Variants in RABGAP1L observed in about 807,000 individuals in gnomAD.
RABGAP1L encodes rab GTPase-activating protein 1-like.
In RABGAP1L, 63 loss-of-function variants were observed where a neutral mutation model predicts 137.7. That is an observed-to-expected ratio of 0.46 (90% confidence interval 0.37 to 0.56). The LOEUF is 0.56. Among genes scored for constraint, RABGAP1L ranks in the 20% least tolerant of loss-of-function variants. RABGAP1L has a pLI of 0.00. For synonymous variants in RABGAP1L, 431 were observed against 433.7 expected, an observed-to-expected ratio of 0.99 and a Z score of 0.08; for missense variants, 1,095 against 1,244.0, an observed-to-expected ratio of 0.88 and a Z score of 1.80.
intron 16 of RABGAP1L, chr1:174,700,912 A>C (rs1349554505): frequency 2.8e-6 from 1 of 363,270 alleles, no homozygotes; most frequent in Non-Finnish European, 4.8e-6. Flanking sequence ...ATACCTAATA[A>C]ATAACAGATG....
At chr1:174,783,827 G>T (rs1687229832) in intron 18 of RABGAP1L, among the ~76,000 whole-genome samples, 2 of 148,952 alleles carry the variant, frequency 1.3e-5, no homozygotes. Context: ...TCCTGCCTCA[G>T]TCTCCCTAGT....
chr1:174,615,334 T>A (rs1163789979), intron 13 of RABGAP1L, among the ~76,000 whole-genome samples: 1 of 152,200 alleles, frequency 6.6e-6, no homozygotes, highest in Non-Finnish European at 1.5e-5. Context: ...GTTTGCTGGA[T>A]GTCCACTCCA....
At chr1:174,489,864 G>A (rs1452911633) in intron 13 of RABGAP1L, among the ~76,000 whole-genome samples, 1 of 151,836 alleles carries the variant, frequency 6.6e-6, no homozygotes, top group Non-Finnish European at 1.5e-5. Context: ...TATCTTAAAG[G>A]TCACTAATTC....
rs571340544 is a variant in RABGAP1L, at chr1:174,408,680, G to A, written c.1710+14535G>A. 3.3e-5 allele frequency among the ~76,000 whole-genome samples: 5 copies of A among 152,252 alleles called. No individual in the cohort carries two copies. The South Asian group carries it at 1.0e-3, about 32-fold the overall frequency. On this transcript the variant is annotated intron_variant, in intron 13 of 25. Coordinates refer to ENST00000681986, the MANE Select transcript of RABGAP1L (RefSeq NM_001366446.1). The stretch of plus-strand genomic sequence containing the variant: ...GTAATAATTTACATTCCCACCAACA[G>A]TGTCTACGTGTTAATTCCCCTTTCT...
intron 19 of RABGAP1L, among the ~76,000 whole-genome samples, chr1:174,852,896 A>T (rs1648618216): frequency 6.6e-6 from 1 of 152,122 alleles, no homozygotes; most frequent in Non-Finnish European, 1.5e-5. Context: ...GTAAAGGAGT[A>T]TCACTAGTAG....
chr1:174,854,714 G>GCTTTTT (rs1648964052), intron 19 of RABGAP1L, among the ~76,000 whole-genome samples: 1 of 58,572 alleles, frequency 1.7e-5, no homozygotes, highest in Admixed American at 2.5e-4. Flanking sequence ...CAATATAAAT[G>GCTTTTT]CTTTTTTTTT....
intron 19 of RABGAP1L, among the ~76,000 whole-genome samples, chr1:174,837,407 G>A (rs78849928): frequency 0.022 from 3,301 of 152,226 alleles, 53 homozygotes; most frequent in Middle Eastern, 0.082. Flanking sequence ...TTTGATGAAT[G>A]TATCTTCTAC....
At chr1:174,420,637 T>C (rs534614087) in intron 13 of RABGAP1L, among the ~76,000 whole-genome samples, 33 of 151,944 alleles carry the variant, frequency 2.2e-4, no homozygotes, top group African/African-American at 7.5e-4. Flanking sequence ...TTATGCTGCT[T>C]AGTTTTGTTT....
intron 18 of RABGAP1L, among the ~76,000 whole-genome samples, chr1:174,775,464 C>T (rs972274433): frequency 6.6e-6 from 1 of 152,038 alleles, no homozygotes; most frequent in African/African-American, 2.4e-5. Flanking sequence ...CAGGCAGACT[C>T]CACCACGCCT....
At chr1:174,187,964 T>C (rs928443371) in intron 1 of RABGAP1L, among the ~76,000 whole-genome samples, 2 of 152,138 alleles carry the variant, frequency 1.3e-5, no homozygotes, top group Non-Finnish European at 2.9e-5. Context: ...GTCTTAAGAT[T>C]TGTTGGCCTT....
intron 13 of RABGAP1L, among the ~76,000 whole-genome samples, chr1:174,408,744 T>C (rs913935380): frequency 3.9e-5 from 6 of 152,166 alleles, no homozygotes; most frequent in Admixed American, 3.9e-4. Flanking sequence ...TTTTTGACTT[T>C]TTAGTAATAG....
chr1:174,765,584 CA>C (rs1475228778), intron 18 of RABGAP1L, among the ~76,000 whole-genome samples: 1 of 151,886 alleles, frequency 6.6e-6, no homozygotes, highest in Non-Finnish European at 1.5e-5. Flanking sequence ...ACGTGTGTGC[CA>C]CCATGTCCAG....
intron 11 of RABGAP1L, among the ~76,000 whole-genome samples, chr1:174,355,137 CA>C (rs1285042229): frequency 6.6e-6 from 1 of 152,110 alleles, no homozygotes; most frequent in Non-Finnish European, 1.5e-5. Flanking sequence ...GATTATAAAT[CA>C]TACTGCTATA....
intron 11 of RABGAP1L, among the ~76,000 whole-genome samples, chr1:174,350,081 CG>C (rs1682971329): frequency 7.7e-6 from 1 of 129,704 alleles, no homozygotes; most frequent in Admixed American, 7.3e-5. Flanking sequence ...GCTGGCTGGG[CG>C]GGGGGCTGAC....
At chr1:174,808,874 C>A (rs886495449) in intron 18 of RABGAP1L, among the ~76,000 whole-genome samples, 6 of 152,016 alleles carry the variant, frequency 3.9e-5, no homozygotes, top group African/African-American at 1.4e-4. Flanking sequence ...TCAGGCTGAT[C>A]TGGAACCCCT....
intron 17 of RABGAP1L, among the ~76,000 whole-genome samples, chr1:174,740,839 A>T (rs891175929): frequency 6.6e-6 from 1 of 151,998 alleles, no homozygotes; most frequent in African/African-American, 2.4e-5. Flanking sequence ...ACATTTTTTC[A>T]TATACCTGTT....
chr1:174,601,736 C>G (rs928857545), intron 13 of RABGAP1L, among the ~76,000 whole-genome samples: 2 of 152,098 alleles, frequency 1.3e-5, no homozygotes, highest in African/African-American at 4.8e-5. Context: ...CTCTGTTTCC[C>G]TTTTAAAACA....
rs1685263647 is a variant in RABGAP1L at position 174,761,960 on chromosome 1, A to T, written c.2211+9606A>T. ...AAAGTACCGCAGGGTGATGGGAGTT[A>T]TGGGTAGGTTGCAATGTTAAATAGG... On this transcript the variant is annotated intron_variant, in intron 18 of 25. Transcript: ENST00000681986. This position sits in a 1 kb window ranked among gnomAD's most constrained non-coding sequence, Gnocchi z 4.0. Among the ~76,000 whole-genome samples, 1 of 152,126 alleles carries T rather than the reference A, an allele frequency of 6.6e-6. No individual in the cohort carries two copies. The highest frequency in any genetic ancestry group is 2.4e-5 in the African/African-American group (1 of 41,450).
intron 13 of RABGAP1L, among the ~76,000 whole-genome samples, chr1:174,464,274 A>G (rs6689327): frequency 0.35 from 53,620 of 151,974 alleles, 12,113 homozygotes; most frequent in African/African-American, 0.64. Flanking sequence ...AATCCTTACA[A>G]AGTTATAATT....
Sources: gnomAD v4.1 joint callset for allele counts (sites outside exome capture counted in the v4.1 genomes callset) on GRCh38, gnomAD v4.1.1 for gene constraint, Gnocchi (gnomAD v3.1) non-coding constraint, MANE v1.5 for transcripts, NCBI Gene and HGNC (gene_info 2026-07-23, HGNC 2026-07-21) for gene names.